The following TRPC7 variants were observed in gnomAD, a reference collection of about 807,000 sequenced individuals.
The protein encoded by TRPC7 is short transient receptor potential channel 7.
TRPC7 carries 42 observed loss-of-function variants against 90.1 expected under a neutral mutation model. The ratio of observed to expected loss-of-function variants is 0.47; its 90% confidence interval spans 0.36 to 0.60. The LOEUF is 0.60. Ranked by LOEUF, TRPC7 falls within the 20% of genes least tolerant of loss-of-function variation. The pLI, the probability that TRPC7 is intolerant of heterozygous loss-of-function variation, is 0.00. For missense variants in TRPC7, 955 were observed against 1,112.3 expected (o/e 0.86, Z 2.01); for synonymous variants, 451 against 436.3 (o/e 1.03, Z -0.42).
chr5:136,236,362 G>T (rs1266820181), intron 7 of TRPC7, among the ~76,000 whole-genome samples: 1 of 152,200 alleles, frequency 6.6e-6, no homozygotes, highest in Non-Finnish European at 1.5e-5. Context: ...TTCTGAACAA[G>T]ACTTGTTTTT....
chr5:136,357,004 G>A lies in TRPC7; in HGVS notation c.384C>T (p.His128=). 1 of 1,612,718 alleles carries A rather than the reference G, an allele frequency of 6.2e-7. No individual in the cohort carries two copies. Among genetic ancestry groups the A allele is most frequent in the Admixed American group, 1.7e-5 (1 of 60,018 alleles). ...GGCGCTGGCCCTGCGCGAAGGCCGG[G>A]TGGTTGAGGATGGCCTCCACGATGC... is the stretch of plus-strand genomic sequence containing the variant. ...YVRIVEAILN[H]PAFAQGQRLT... Residue 128 remains histidine, a synonymous_variant, in exon 2 of 12, where the codon CAC becomes CAT. Coordinates refer to ENST00000513104, the MANE Select transcript of TRPC7 (RefSeq NM_020389.3).
At chr5:136,319,413 C>T (rs2216640) in intron 2 of TRPC7, among the ~76,000 whole-genome samples, 104,349 of 151,952 alleles carry the variant, frequency 0.69, 36,138 homozygotes, top group African/African-American at 0.77. Context: ...GAATTCTCAT[C>T]TTCTCCCTTT....
intron 8 of TRPC7, among the ~76,000 whole-genome samples, chr5:136,229,102 A>G (rs1034512475): frequency 3.3e-5 from 5 of 152,180 alleles, no homozygotes; most frequent in African/African-American, 1.2e-4. Flanking sequence ...ACACATGGGG[A>G]AACTGAGGCC....
chr5:136,264,925 G>T (rs186151599), intron 5 of TRPC7, among the ~76,000 whole-genome samples: 16 of 152,222 alleles, frequency 1.1e-4, no homozygotes, highest in Admixed American at 7.9e-4. Context: ...TGGAAAGCTT[G>T]GTGGGTTGTC....
intron 3 of TRPC7, among the ~76,000 whole-genome samples, chr5:136,313,373 G>GTCTATCTATCTATCTA (rs1472445604): frequency 5.4e-5 from 5 of 92,992 alleles, no homozygotes; most frequent in African/African-American, 8.2e-5. Flanking sequence ...CTCAGGAGAT[G>GTCTATCTATCTATCTA]TCTGTCTATC....
chr5:136,247,327 TA>T lies in TRPC7; in HGVS notation c.1844+143del. 2 of 901,730 alleles carry T rather than the reference TA, an allele frequency of 2.2e-6. No homozygotes were observed. The highest frequency in any genetic ancestry group is 1.7e-5 in the African/African-American group (1 of 59,432). The allele number at this position is 901,730 out of a possible 1,614,324, so 55.9% of individuals were successfully genotyped here. ...CTGTTCAACTCCAGAACCTGAACTC[TA>T]AACCACCCTTGAATAAAGTTGCCTT... On this transcript the variant is annotated intron_variant, in intron 7 of 11. Transcript: ENST00000513104. The surrounding 1 kb of genome is among the most constrained non-coding windows in gnomAD (Gnocchi z 4.2).
In TRPC7 at chr5:136,337,694, A is replaced by G. The variant is rs115143724; in HGVS notation, c.780+18914T>C. ...AAAAAAAAAAAAATCTGTTCTAAGG[A>G]CAGAAGACTTCAAATTTCCAATGTG... is the stretch of plus-strand genomic sequence containing the variant. On this transcript the variant is annotated intron_variant, in intron 2 of 11. Transcript: ENST00000513104. 4.1e-3 allele frequency among the ~76,000 whole-genome samples: 621 copies of G among 151,936 alleles called. 4 individuals are homozygous for G. Among genetic ancestry groups the G allele is most frequent in the African/African-American group, 0.014 (595 of 41,410 alleles).
At chr5:136,360,234 A>G (rs1760526257) in intron 1 of TRPC7, among the ~76,000 whole-genome samples, 1 of 152,230 alleles carries the variant, frequency 6.6e-6, no homozygotes, top group African/African-American at 2.4e-5. Context: ...TAGACACTGC[A>G]GCCTACAAAC....
At chr5:136,267,561 T>G (rs1757073822) in intron 4 of TRPC7, among the ~76,000 whole-genome samples, 1 of 152,228 alleles carries the variant, frequency 6.6e-6, no homozygotes. Flanking sequence ...TTACAGGGCC[T>G]TCTCTAAGTA....
At chr5:136,275,195 T>C (rs923818138) in intron 3 of TRPC7, among the ~76,000 whole-genome samples, 2 of 152,150 alleles carry the variant, frequency 1.3e-5, no homozygotes, top group African/African-American at 4.8e-5. Context: ...CAGAGTTCAC[T>C]TGGGAAGGAA....
chr5:136,264,239 C>T (rs1580877231), intron 5 of TRPC7, among the ~76,000 whole-genome samples: 1 of 152,126 alleles, frequency 6.6e-6, no homozygotes, highest in Non-Finnish European at 1.5e-5. Flanking sequence ...AGGAAGTCCT[C>T]ATTCAAGAGG....
intron 3 of TRPC7, among the ~76,000 whole-genome samples, chr5:136,290,489 C>T (rs1227777315): frequency 6.6e-6 from 1 of 152,144 alleles, no homozygotes; most frequent in Non-Finnish European, 1.5e-5. Flanking sequence ...AACTATGTGA[C>T]AAATGCGCAA....
At chr5:136,271,552 G>A (rs947034668) in intron 4 of TRPC7, among the ~76,000 whole-genome samples, 4 of 152,190 alleles carry the variant, frequency 2.6e-5, no homozygotes, top group African/African-American at 9.7e-5. Flanking sequence ...TTTGACATTG[G>A]AGTCCTTGTT....
intron 2 of TRPC7, among the ~76,000 whole-genome samples, chr5:136,343,155 A>G (rs1759896545): frequency 6.6e-6 from 1 of 152,254 alleles, no homozygotes; most frequent in African/African-American, 2.4e-5. Flanking sequence ...ATAGAAGAAA[A>G]AAAAGATGTA....
chr5:136,323,583 T>C (rs1759263087), intron 2 of TRPC7, among the ~76,000 whole-genome samples: 1 of 152,224 alleles, frequency 6.6e-6, no homozygotes, highest in Non-Finnish European at 1.5e-5. Flanking sequence ...CCCCATTTGT[T>C]GAAAAGATTA....
At chr5:136,282,582 A>C (rs1757581366) in intron 3 of TRPC7, among the ~76,000 whole-genome samples, 1 of 152,182 alleles carries the variant, frequency 6.6e-6, no homozygotes, top group South Asian at 2.1e-4. Context: ...TTTTATACTC[A>C]AAATATGCTC....
chr5:136,240,051 ACT>A (rs778385381), intron 7 of TRPC7, among the ~76,000 whole-genome samples: 17 of 152,070 alleles, frequency 1.1e-4, no homozygotes, highest in Non-Finnish European at 2.2e-4. Flanking sequence ...CTTAGCGGAG[ACT>A]CTAACACTCT....
rs1035600475 is a variant in TRPC7 at position 136,270,779 on chromosome 5, C to T, written c.1128+3894G>A. Among the ~76,000 whole-genome samples the T allele has an allele frequency of 4.6e-5, 7 of 152,146 alleles. 1 individual carries two copies. Among genetic ancestry groups the T allele is most frequent in the South Asian group, 2.1e-4 (1 of 4,822 alleles). On this transcript the variant is annotated intron_variant, in intron 4 of 11. Coordinates refer to ENST00000513104, the MANE Select transcript of TRPC7 (RefSeq NM_020389.3). ...GCTAAGTCTGAAAGTGATCAGCTTC[C>T]GGCACTCTTTAATCCTATCTCAGCA...
chr5:136,325,063 TGAGTTTTTTTTAAGAAA>T (rs1000934090), intron 2 of TRPC7, among the ~76,000 whole-genome samples: 5 of 32,312 alleles, frequency 1.5e-4, no homozygotes, highest in African/African-American at 5.2e-4. Context: ...ACATTTAGGA[TGAGTTTTTTTTAAGAAA>T]GAGTTGCACT....
Sources: gnomAD v4.1 joint callset for allele counts (sites outside exome capture counted in the v4.1 genomes callset) on GRCh38, gnomAD v4.1.1 for gene constraint, Gnocchi (gnomAD v3.1) non-coding constraint, MANE v1.5 for transcripts, NCBI Gene and HGNC (gene_info 2026-07-23, HGNC 2026-07-21) for gene names.